Variants in PTPRD observed in about 807,000 individuals in gnomAD.
The protein encoded by PTPRD is receptor-type tyrosine-protein phosphatase delta.
Under a neutral mutation model 214.5 loss-of-function variants are expected in PTPRD, and 34 were observed. That is an observed-to-expected ratio of 0.16 (90% CI 0.12 to 0.21). PTPRD has a LOEUF of 0.21. PTPRD is among the 10% of genes least tolerant of loss of function. PTPRD has a pLI of 1.00. For missense variants in PTPRD, 2,545 were observed against 2,398.7 expected (o/e 1.06, Z -1.27); for synonymous variants, 1,128 against 845.7 (o/e 1.33, Z -5.79).
intron 30 of PTPRD, among the ~76,000 whole-genome samples, chr9:8,475,958 C>CT (rs1205485664): frequency 1.3e-5 from 2 of 152,146 alleles, no homozygotes; most frequent in Non-Finnish European, 2.9e-5. Flanking sequence ...GCCATTTCCA[C>CT]TTTTTAAAAC....
At chr9:10,548,235 G>C (rs10511549) in intron 2 of PTPRD, among the ~76,000 whole-genome samples, 35,196 of 152,054 alleles carry the variant, frequency 0.23, 4,810 homozygotes, top group Non-Finnish European at 0.31. Context: ...TATGCGGAAT[G>C]AGCTTTCCTT....
At chr9:8,599,447 G>C (rs1211704720) in intron 14 of PTPRD, among the ~76,000 whole-genome samples, 1 of 152,016 alleles carries the variant, frequency 6.6e-6, no homozygotes, top group Non-Finnish European at 1.5e-5. Flanking sequence ...TCTTGTGTTT[G>C]CAAAACTGAT....
At chr9:8,409,263 C>G (rs764958367) in intron 35 of PTPRD, among the ~76,000 whole-genome samples, 5 of 152,124 alleles carry the variant, frequency 3.3e-5, no homozygotes, top group Non-Finnish European at 7.4e-5. Context: ...AGACAAATAA[C>G]TTTCTCAGGG....
intron 30 of PTPRD, among the ~76,000 whole-genome samples, chr9:8,471,375 G>A (rs1417824840): frequency 6.6e-6 from 1 of 152,082 alleles, no homozygotes; most frequent in African/African-American, 2.4e-5. Context: ...GGGCCCTGGT[G>A]CTGGACACAT....
intron 11 of PTPRD, among the ~76,000 whole-genome samples, chr9:8,855,389 A>T (rs2097897489): frequency 6.6e-6 from 1 of 152,166 alleles, no homozygotes; most frequent in South Asian, 2.1e-4. Context: ...CACATATATT[A>T]AAATAAATTG....
intron 2 of PTPRD, among the ~76,000 whole-genome samples, chr9:10,350,738 A>G (rs547440546): frequency 5.3e-5 from 8 of 152,338 alleles, no homozygotes; most frequent in Middle Eastern, 3.4e-3. Flanking sequence ...AACAATAATT[A>G]GGATTAAATT....
intron 33 of PTPRD, chr9:8,460,206 T>G (rs1591119453): frequency 1.5e-6 from 1 of 651,072 alleles, no homozygotes; most frequent in East Asian, 2.8e-5. Flanking sequence ...ACAACAGAAG[T>G]CTATACCAAA....
intron 33 of PTPRD, among the ~76,000 whole-genome samples, chr9:8,453,884 G>C (rs1377095418): frequency 6.6e-6 from 1 of 152,104 alleles, no homozygotes; most frequent in Non-Finnish European, 1.5e-5. Flanking sequence ...TATGGCATTG[G>C]GAGAAAGGTA....
chr9:10,076,829 C>T (rs537702918), intron 3 of PTPRD, among the ~76,000 whole-genome samples: 1 of 152,256 alleles, frequency 6.6e-6, no homozygotes, highest in African/African-American at 2.4e-5. Flanking sequence ...ATAAACCTAG[C>T]GCACATTACA....
At chr9:8,615,686 T>A (rs957335287) in intron 14 of PTPRD, among the ~76,000 whole-genome samples, 1 of 152,080 alleles carries the variant, frequency 6.6e-6, no homozygotes, top group African/African-American at 2.4e-5. Flanking sequence ...TTCCTGTCTT[T>A]ATTTAATAGC....
At chr9:9,027,005 T>A (rs189869084) in intron 10 of PTPRD, among the ~76,000 whole-genome samples, 1 of 151,444 alleles carries the variant, frequency 6.6e-6, no homozygotes, top group African/African-American at 2.4e-5. Context: ...GATTTCTTTC[T>A]CCCAGTTATG....
intron 7 of PTPRD, among the ~76,000 whole-genome samples, chr9:9,710,579 G>A (rs1288010030): frequency 1.3e-5 from 2 of 151,772 alleles, no homozygotes; most frequent in African/African-American, 4.8e-5. Flanking sequence ...CTGACTCCAT[G>A]CAAAGATTTA....
chr9:10,526,238 T>C (rs187125389), intron 2 of PTPRD, among the ~76,000 whole-genome samples: 1 of 152,158 alleles, frequency 6.6e-6, no homozygotes, highest in Non-Finnish European at 1.5e-5. Flanking sequence ...TGTTGAGAAA[T>C]AAAAGGAAAT....
intron 14 of PTPRD, among the ~76,000 whole-genome samples, chr9:8,579,002 G>C (rs2092767969): frequency 6.6e-6 from 1 of 152,108 alleles, no homozygotes; most frequent in Non-Finnish European, 1.5e-5. Flanking sequence ...GGTGCTCTAG[G>C]ACAGAGATGA....
At chr9:9,455,829 T>C (rs1302249772) in intron 8 of PTPRD, among the ~76,000 whole-genome samples, 2 of 151,762 alleles carry the variant, frequency 1.3e-5, no homozygotes, top group African/African-American at 2.4e-5. Context: ...TCAAACAGAA[T>C]AAGCAAACAC....
intron 7 of PTPRD, among the ~76,000 whole-genome samples, chr9:9,649,283 C>T (rs2096274137): frequency 6.6e-6 from 1 of 152,236 alleles, no homozygotes; most frequent in South Asian, 2.1e-4. Context: ...GCCTCTAGAA[C>T]TCAACAAAGG....
chr9:8,582,087 T>C (rs2093204454), intron 14 of PTPRD, among the ~76,000 whole-genome samples: 1 of 152,006 alleles, frequency 6.6e-6, no homozygotes, highest in Non-Finnish European at 1.5e-5. Context: ...TGACAAAGAT[T>C]TGAAAATGGT....
chr9:9,382,162 T>C (rs1411610400), intron 9 of PTPRD, among the ~76,000 whole-genome samples: 1 of 152,022 alleles, frequency 6.6e-6, no homozygotes, highest in Non-Finnish European at 1.5e-5. Context: ...ATTTTTTTTC[T>C]TAATTTTCTT....
intron 14 of PTPRD, among the ~76,000 whole-genome samples, chr9:8,544,602 T>G (rs1470712448): frequency 3.3e-5 from 5 of 151,228 alleles, no homozygotes; most frequent in Non-Finnish European, 7.4e-5. Flanking sequence ...CCCGAATAGC[T>G]GGGATTACAG....
Sources: allele counts gnomAD v4.1 joint callset (sites outside exome capture counted in the v4.1 genomes callset), GRCh38; gene constraint gnomAD v4.1.1; transcripts MANE v1.5; gene names NCBI Gene and HGNC (gene_info 2026-07-23, HGNC 2026-07-21).